LHFPL3: variants seen among roughly 807,000 people sequenced by gnomAD.
LHFPL3 encodes LHFPL tetraspan subfamily member 3 protein.
A neutral mutation model predicts 19.3 loss-of-function variants in LHFPL3; 5 were observed. That is an observed-to-expected ratio of 0.26 (90% confidence interval 0.14 to 0.54). The LOEUF is 0.54. Among genes scored for constraint, LHFPL3 ranks in the 20% least tolerant of loss-of-function variants. The pLI is 0.94. For missense variants in LHFPL3, 249 were observed against 307.4 expected, an observed-to-expected ratio of 0.81 and a Z score of 1.42; for synonymous variants, 133 against 126.2, an observed-to-expected ratio of 1.05 and a Z score of -0.36.
chr7:104,452,348 CT>C (rs1792456331), intron 1 of LHFPL3, among the ~76,000 whole-genome samples: 1 of 152,204 alleles, frequency 6.6e-6, no homozygotes, highest in Non-Finnish European at 1.5e-5. Context: ...GTTGTTTACA[CT>C]TTTCATAGTA....
rs1792641477 is a variant in LHFPL3, at chr7:104,907,395, T to C, written c.*1180T>C. On this transcript the variant is annotated 3_prime_UTR_variant, in exon 3 of 3. Transcript: ENST00000424859. ...AATAAGTTACCTTTTTGTTTACTAATGTTGGTTTCAAAAATACTCAGATTC... is the reference window on the plus strand; with the variant it reads ...AATAAGTTACCTTTTTGTTTACTAACGTTGGTTTCAAAAATACTCAGATTC... Among the ~76,000 whole-genome samples the C allele has an allele frequency of 6.6e-6, 1 of 152,174 alleles. No individual in the cohort carries two copies. Among genetic ancestry groups the C allele is most frequent in the South Asian group, 2.1e-4 (1 of 4,826 alleles).
intron 1 of LHFPL3, among the ~76,000 whole-genome samples, chr7:104,558,435 A>G (rs1221744794): frequency 2.6e-5 from 4 of 151,804 alleles, no homozygotes; most frequent in South Asian, 2.1e-4. Context: ...GCCAGTGATG[A>G]TGAGCATTTT....
intron 2 of LHFPL3, among the ~76,000 whole-genome samples, chr7:104,870,542 T>G (rs888516279): frequency 2.6e-5 from 4 of 152,224 alleles, no homozygotes; most frequent in Non-Finnish European, 4.4e-5. Flanking sequence ...AATTTCATCA[T>G]GAGCAGGGTC....
intron 1 of LHFPL3, among the ~76,000 whole-genome samples, chr7:104,489,560 A>C (rs1190492356): frequency 6.6e-6 from 1 of 151,190 alleles, no homozygotes; most frequent in Non-Finnish European, 1.5e-5. Flanking sequence ...TTAATAAATT[A>C]ATGTACTGGC....
At chr7:104,353,547 G>T (rs1256332746) in intron 1 of LHFPL3, among the ~76,000 whole-genome samples, 1 of 152,230 alleles carries the variant, frequency 6.6e-6, no homozygotes, top group Non-Finnish European at 1.5e-5. Context: ...TGTTTGCAGA[G>T]TGAAAGTAAT....
At chr7:104,737,330 C>CTA (rs1295981089) in intron 2 of LHFPL3, among the ~76,000 whole-genome samples, 1 of 152,088 alleles carries the variant, frequency 6.6e-6, no homozygotes, top group Non-Finnish European at 1.5e-5. Context: ...CTAACATCAT[C>CTA]TATATATATC....
intron 1 of LHFPL3, among the ~76,000 whole-genome samples, chr7:104,566,063 C>T (rs908222222): frequency 6.6e-6 from 1 of 152,000 alleles, no homozygotes; most frequent in Non-Finnish European, 1.5e-5. Context: ...CTCACCTTCT[C>T]ATGGCTGGGC....
chr7:104,737,336 A>T (rs1330275946), intron 2 of LHFPL3, among the ~76,000 whole-genome samples: 1 of 152,272 alleles, frequency 6.6e-6, no homozygotes, highest in South Asian at 2.1e-4. Context: ...TCATCTATAT[A>T]TATCTTTATT....
At chr7:104,786,172 C>A (rs950162898) in intron 2 of LHFPL3, among the ~76,000 whole-genome samples, 2 of 152,174 alleles carry the variant, frequency 1.3e-5, no homozygotes, top group African/African-American at 2.4e-5. Flanking sequence ...AAAAAATTCC[C>A]TCATCAGCAC....
chr7:104,562,079 A>T (rs1223225855), intron 1 of LHFPL3, among the ~76,000 whole-genome samples: 3 of 149,590 alleles, frequency 2.0e-5, no homozygotes, highest in Admixed American at 6.7e-5. Flanking sequence ...CTTCCCTTTG[A>T]GGGTAACCCG....
chr7:104,416,264 A>G (rs1791620595), intron 1 of LHFPL3, among the ~76,000 whole-genome samples: 1 of 152,204 alleles, frequency 6.6e-6, no homozygotes, highest in Admixed American at 6.5e-5. Context: ...AGAAGAGGCA[A>G]GGAATGATTC....
intron 2 of LHFPL3, among the ~76,000 whole-genome samples, chr7:104,829,167 A>G (rs1790883411): frequency 1.3e-5 from 2 of 151,894 alleles, no homozygotes; most frequent in Admixed American, 6.6e-5. Flanking sequence ...ACCCCCATTA[A>G]GAGCCTCCCA....
At chr7:104,750,747 A>G (rs1562982071) in intron 2 of LHFPL3, among the ~76,000 whole-genome samples, 1 of 152,172 alleles carries the variant, frequency 6.6e-6, no homozygotes, top group East Asian at 1.9e-4. Context: ...TCCCTGAAAC[A>G]CTTGGGACAG....
intron 1 of LHFPL3, among the ~76,000 whole-genome samples, chr7:104,547,795 A>G (rs1794600137): frequency 6.7e-6 from 1 of 148,456 alleles, no homozygotes; most frequent in East Asian, 1.9e-4. Context: ...TAGGGACCAG[A>G]CAAGCTTTCA....
At chr7:104,706,894 A>G (rs942403494) in intron 1 of LHFPL3, among the ~76,000 whole-genome samples, 2 of 152,178 alleles carry the variant, frequency 1.3e-5, no homozygotes, top group African/African-American at 4.8e-5. Context: ...CTTATCTGCA[A>G]TTGTGACACT....
At chr7:104,593,200 ACT>A (rs1479883166) in intron 1 of LHFPL3, among the ~76,000 whole-genome samples, 1 of 151,046 alleles carries the variant, frequency 6.6e-6, no homozygotes. Context: ...CCCTGTACAC[ACT>A]GTTTTGAGTG....
At chr7:104,366,832 G>C (rs1449718475) in intron 1 of LHFPL3, among the ~76,000 whole-genome samples, 1 of 152,132 alleles carries the variant, frequency 6.6e-6, no homozygotes, top group Non-Finnish European at 1.5e-5. Context: ...TGAGAACCTA[G>C]GTAACTTGTA....
intron 2 of LHFPL3, among the ~76,000 whole-genome samples, chr7:104,847,754 C>T (rs1319812989): frequency 2.0e-5 from 3 of 152,238 alleles, no homozygotes; most frequent in African/African-American, 4.8e-5. Context: ...TCAAGTGATC[C>T]GCCTGCCTTG....
intron 1 of LHFPL3, among the ~76,000 whole-genome samples, chr7:104,389,171 C>T (rs1791008564): frequency 6.6e-6 from 1 of 152,060 alleles, no homozygotes; most frequent in African/African-American, 2.4e-5. Flanking sequence ...ATAAGTTTAG[C>T]AAGGCTACAG....
Sources: allele counts gnomAD v4.1 joint callset (sites outside exome capture counted in the v4.1 genomes callset), GRCh38; gene constraint gnomAD v4.1.1; transcripts MANE v1.5; gene names NCBI Gene and HGNC (gene_info 2026-07-23, HGNC 2026-07-21).